The following ABLIM1 variants were observed in gnomAD, a reference collection of about 807,000 sequenced individuals.
ABLIM1 encodes the protein actin binding LIM protein 1, also known as actin-binding LIM protein 1.
In ABLIM1, 40 loss-of-function variants were observed where a neutral mutation model predicts 107.0. The ratio of observed to expected loss-of-function variants is 0.37; its 90% CI spans 0.29 to 0.49. ABLIM1 has a LOEUF of 0.49. Among genes scored for constraint, ABLIM1 ranks in the 20% least tolerant of loss-of-function variants. The probability of loss-of-function intolerance (pLI) is 0.97; values close to 1 mark genes in which losing one functional copy is unlikely to be tolerated. For synonymous variants in ABLIM1, 357 were observed against 357.3 expected (o/e 1.00, Z 0.01); for missense variants, 857 against 1,008.5 (o/e 0.85, Z 2.04).
At chr10:114,713,507 G>GA (rs2141972171) in intron 1 of ABLIM1, among the ~76,000 whole-genome samples, 1 of 152,338 alleles carries the variant, frequency 6.6e-6, no homozygotes, top group African/African-American at 2.4e-5. Context: ...GGATAGTCCG[G>GA]AAGCTATCCC....
At position 114,436,154 on chromosome 10, in the gene ABLIM1, C is replaced by T; in HGVS notation, c.*106G>A. 4 of 824,922 alleles carry T rather than the reference C, an allele frequency of 4.8e-6. No homozygotes were observed. The highest frequency in any genetic ancestry group is 3.9e-6 in the Non-Finnish European group (2 of 513,164). The allele number at this position is 824,922 out of a possible 1,614,324, so 51.1% of individuals were successfully genotyped here. On this transcript the variant is annotated 3_prime_UTR_variant, in exon 23 of 23. Coordinates refer to ENST00000533213, the MANE Select transcript of ABLIM1 (RefSeq NM_002313.7). ...ACTTTCTCTTTTTGGTGTTGCTGAGCGACGGTAGTTTGCAAATTCTCCAAT... is the reference window on the plus strand; with the variant it reads ...ACTTTCTCTTTTTGGTGTTGCTGAGTGACGGTAGTTTGCAAATTCTCCAAT...
At chr10:114,437,308 T>TTTTTCTTTCTTTC (rs1411938296) in intron 22 of ABLIM1, among the ~76,000 whole-genome samples, 34 of 150,220 alleles carry the variant, frequency 2.3e-4, no homozygotes, top group African/African-American at 7.9e-4. Flanking sequence ...TCTTTTTTTC[T>TTTTTCTTTCTTTC]TTTTCTTTCT....
chr10:114,468,420 GC>G (rs1555049182), intron 10 of ABLIM1, among the ~76,000 whole-genome samples: 5 of 151,872 alleles, frequency 3.3e-5, no homozygotes, highest in Non-Finnish European at 5.9e-5. Context: ...GACTACAGGC[GC>G]CGCCACCACC....
intron 1 of ABLIM1, among the ~76,000 whole-genome samples, chr10:114,608,043 T>C (rs2076544765): frequency 6.6e-6 from 1 of 152,250 alleles, no homozygotes; most frequent in Non-Finnish European, 1.5e-5. Context: ...CTCAATTTTT[T>C]TTATTCACCT....
At chr10:114,710,987 T>A (rs1035472793) in intron 1 of ABLIM1, among the ~76,000 whole-genome samples, 2 of 152,190 alleles carry the variant, frequency 1.3e-5, no homozygotes, top group African/African-American at 4.8e-5. Context: ...AGATGACCTA[T>A]AAGCTCATGC....
At chr10:114,681,458 G>A (rs887305174) in intron 1 of ABLIM1, among the ~76,000 whole-genome samples, 2 of 152,324 alleles carry the variant, frequency 1.3e-5, no homozygotes, top group African/African-American at 2.4e-5. Flanking sequence ...GCCTCCCAAA[G>A]TGCTGGGATT....
intron 1 of ABLIM1, among the ~76,000 whole-genome samples, chr10:114,627,794 A>G (rs79977373): frequency 0.027 from 4,142 of 152,224 alleles, 74 homozygotes; most frequent in Middle Eastern, 0.044. Flanking sequence ...ATCAAGGAGG[A>G]GCTGTGGTGG....
At position 114,502,533 on chromosome 10, in the gene ABLIM1, G is replaced by A. The variant is rs145159335; in HGVS notation, c.895-10655C>T. Among the ~76,000 whole-genome samples the A allele has an allele frequency of 2.8e-3, 429 of 152,168 alleles. 3 individuals carry two copies. Among genetic ancestry groups the A allele is most frequent in the African/African-American group, 8.7e-3 (360 of 41,504 alleles). ...ATTTTTTGAGACAGAGATTCACTCT[G>A]TTGCCCAGGTTGGAGTGCAGTGGTG... On this transcript the variant is annotated intron_variant, in intron 6 of 22. Coordinates refer to ENST00000533213, the MANE Select transcript of ABLIM1 (RefSeq NM_002313.7).
intron 1 of ABLIM1, among the ~76,000 whole-genome samples, chr10:114,645,938 CT>C (rs2078994084): frequency 6.6e-6 from 1 of 152,300 alleles, no homozygotes; most frequent in African/African-American, 2.4e-5. Flanking sequence ...CATGGGCTCT[CT>C]TTTTACCATT....
chr10:114,503,335 C>A (rs2060683080), intron 6 of ABLIM1, among the ~76,000 whole-genome samples: 1 of 151,962 alleles, frequency 6.6e-6, no homozygotes, highest in Non-Finnish European at 1.5e-5. Context: ...CCTGTAGTCC[C>A]AGCTAATTGG....
rs187157214 is a variant in ABLIM1 at position 114,489,504 on chromosome 10, C to T, written c.983-1488G>A. On this transcript the variant is annotated intron_variant, in intron 7 of 22. Transcript: ENST00000533213. Reference sequence around the variant, plus strand: ...AATCATTTTTTCCATCTTCTTAACCCAGGGCCAAAATAAACAAACAAAAAA... The same window carrying T: ...AATCATTTTTTCCATCTTCTTAACCTAGGGCCAAAATAAACAAACAAAAAA... 1.4e-4 allele frequency among the ~76,000 whole-genome samples: 22 copies of T among 152,208 alleles called. No individual in the cohort carries two copies. In the East Asian group the frequency reaches 3.7e-3, roughly 25 times the overall value.
At chr10:114,783,447 G>C in the ABLIM1 span, among the ~76,000 whole-genome samples, 7 of 152,090 alleles carry the variant, frequency 4.6e-5, no homozygotes, top group African/African-American at 1.7e-4. Flanking sequence ...GAATCTTAGA[G>C]AGGTCTGGGC....
At chr10:114,731,543 C>A (rs808349) in intron 1 of ABLIM1, among the ~76,000 whole-genome samples, 15,207 of 150,866 alleles carry the variant, frequency 0.1, 832 homozygotes, top group Middle Eastern at 0.18. Context: ...CTCACTGCAA[C>A]CTCCACCTCC....
intron 1 of ABLIM1, among the ~76,000 whole-genome samples, chr10:114,719,705 G>A (rs1401193689): frequency 6.6e-6 from 1 of 152,112 alleles, no homozygotes; most frequent in African/African-American, 2.4e-5. Flanking sequence ...CTTTGTGCTG[G>A]GTGTTCTGGC....
At chr10:114,642,638 A>G (rs2078803542) in intron 1 of ABLIM1, among the ~76,000 whole-genome samples, 1 of 152,208 alleles carries the variant, frequency 6.6e-6, no homozygotes, top group African/African-American at 2.4e-5. Context: ...GATTAAATAC[A>G]CAAGAATACC....
intron 8 of ABLIM1, among the ~76,000 whole-genome samples, chr10:114,484,315 T>C (rs182683408): frequency 1.3e-5 from 2 of 152,316 alleles, no homozygotes; most frequent in East Asian, 1.9e-4. Context: ...AATGAGATTA[T>C]ACGTAAATCC....
At chr10:114,665,998 C>T (rs1431269005) in intron 1 of ABLIM1, among the ~76,000 whole-genome samples, 1 of 152,206 alleles carries the variant, frequency 6.6e-6, no homozygotes, top group Non-Finnish European at 1.5e-5. Flanking sequence ...TACAGAGAGA[C>T]AATACCTTTT....
chr10:114,514,806 T>C (rs1322917451), intron 6 of ABLIM1, among the ~76,000 whole-genome samples: 1 of 152,256 alleles, frequency 6.6e-6, no homozygotes, highest in Non-Finnish European at 1.5e-5. Context: ...AGACTATTTC[T>C]ACACTACTGT....
intron 1 of ABLIM1, among the ~76,000 whole-genome samples, chr10:114,754,474 T>G (rs983493992): frequency 6.6e-6 from 1 of 152,194 alleles, no homozygotes; most frequent in African/African-American, 2.4e-5. Context: ...TAGACAGATG[T>G]CTCCCTACAG....
Sources: gnomAD v4.1 joint callset for allele counts (sites outside exome capture counted in the v4.1 genomes callset) on GRCh38, gnomAD v4.1.1 for gene constraint, MANE v1.5 for transcripts, NCBI Gene and HGNC (gene_info 2026-07-23, HGNC 2026-07-21) for gene names.